The following WWP2 variants were observed in gnomAD, a reference collection of about 807,000 sequenced individuals.
WWP2 encodes WW domain containing E3 ubiquitin protein ligase 2, also known as NEDD4-like E3 ubiquitin-protein ligase WWP2.
In WWP2, 57 loss-of-function variants were observed where a neutral mutation model predicts 121.0. The observed-to-expected ratio is 0.47, with a 90% confidence interval of 0.38 to 0.59. WWP2 has a LOEUF of 0.59. Ranked by LOEUF, WWP2 falls within the 20% of genes least tolerant of loss-of-function variation. WWP2 has a pLI of 0.00. For synonymous variants in WWP2, 449 were observed against 441.3 expected, an observed-to-expected ratio of 1.02 and a Z score of -0.22; for missense variants, 962 against 1,158.9, an observed-to-expected ratio of 0.83 and a Z score of 2.47.
At chr16:69,848,559 C>T (rs2057131442) in intron 6 of WWP2, among the ~76,000 whole-genome samples, 1 of 149,128 alleles carries the variant, frequency 6.7e-6, no homozygotes, top group African/African-American at 2.5e-5. Context: ...ATTGCTTGAG[C>T]CCAGGAATTT....
chr16:69,822,205 G>T (rs149422868), intron 4 of WWP2, among the ~76,000 whole-genome samples: 1 of 152,040 alleles, frequency 6.6e-6, no homozygotes, highest in East Asian at 1.9e-4. Context: ...GAGTTTCTTC[G>T]TGTTGGGTCA....
At chr16:69,897,706 G>A (rs55634572) in intron 8 of WWP2, among the ~76,000 whole-genome samples, 172 of 152,114 alleles carry the variant, frequency 1.1e-3, no homozygotes, top group Non-Finnish European at 1.2e-3. Flanking sequence ...TCAGGAGTTC[G>A]AGACCAGCCT....
chr16:69,778,088 T>C (rs1012588396), intron 1 of WWP2, among the ~76,000 whole-genome samples: 3 of 140,810 alleles, frequency 2.1e-5, no homozygotes, highest in African/African-American at 5.1e-5. Context: ...TATATATATA[T>C]ATACACACAC....
At chr16:69,812,905 G>A (rs1235533354) in intron 4 of WWP2, among the ~76,000 whole-genome samples, 1 of 152,138 alleles carries the variant, frequency 6.6e-6, no homozygotes, top group Non-Finnish European at 1.5e-5. Flanking sequence ...AATTTACGGG[G>A]AGGTACTTTG....
At position 69,857,655 on chromosome 16, in the gene WWP2, CTTTTTTT is replaced by C. The variant is rs1166811815; in HGVS notation, c.576-14131_576-14125del. 1.5e-4 allele frequency among the ~76,000 whole-genome samples: 11 copies of C among 71,936 alleles called. 1 individual carries two copies. Among genetic ancestry groups the C allele is most frequent in the South Asian group, 8.7e-4 (2 of 2,292 alleles). The allele number at this position is 71,936 out of a possible 152,430, so 47.2% of individuals were successfully genotyped here. A position where few individuals can be genotyped will look rare whatever the true frequency, so the allele number is the denominator to read the frequency against. On this transcript the variant is annotated intron_variant, in intron 6 of 23. Coordinates refer to ENST00000359154, the MANE Select transcript of WWP2 (RefSeq NM_001270454.2). The stretch of plus-strand genomic sequence containing the variant: ...TTCAAATGGCCTTTGAAGGTCAACT[CTTTTTTT>C]TTTTTTTTTTTTTTTTTGAGACAGG...
At chr16:69,908,300 A>G (rs2058327354) in intron 8 of WWP2, among the ~76,000 whole-genome samples, 1 of 152,158 alleles carries the variant, frequency 6.6e-6, no homozygotes, top group Non-Finnish European at 1.5e-5. Context: ...GGGTAGACGA[A>G]AAAGCCTGGA....
At chr16:69,842,442 A>G (rs1286381612) in intron 6 of WWP2, among the ~76,000 whole-genome samples, 13 of 152,188 alleles carry the variant, frequency 8.5e-5, no homozygotes, top group Admixed American at 7.9e-4. Context: ...GATAGTGAAC[A>G]TAGTACCTGA....
intron 4 of WWP2, among the ~76,000 whole-genome samples, chr16:69,812,720 T>TCTTG (rs1223201320): frequency 1.3e-5 from 2 of 152,080 alleles, no homozygotes; most frequent in Non-Finnish European, 2.9e-5. Flanking sequence ...GAGTGTGCAT[T>TCTTG]CTTGGCAGGA....
At chr16:69,838,662 G>C in intron 4 of WWP2, 1 of 942,068 alleles carries the variant, frequency 1.1e-6, no homozygotes, top group African/African-American at 1.8e-5. Context: ...GTGGCTGGGG[G>C]TTGAAAGGCC....
chr16:69,879,733 A>C (rs2057792160), intron 7 of WWP2, among the ~76,000 whole-genome samples: 1 of 152,184 alleles, frequency 6.6e-6, no homozygotes, highest in Non-Finnish European at 1.5e-5. Context: ...TTGTATACCT[A>C]GGAGTGGAAT....
chr16:69,911,054 T>A (rs956961283), intron 9 of WWP2, among the ~76,000 whole-genome samples: 1 of 152,174 alleles, frequency 6.6e-6, no homozygotes, highest in African/African-American at 2.4e-5. Context: ...CATTTCTCAT[T>A]AATGGCAGAA....
intron 1 of WWP2, among the ~76,000 whole-genome samples, chr16:69,763,997 TTACAAAGAGCGTA>T (rs2038673878): frequency 6.6e-6 from 1 of 152,286 alleles, no homozygotes; most frequent in Admixed American, 6.5e-5. Flanking sequence ...ACTTTCCCAT[TTACAAAGAGCGTA>T]TACCAACATC....
chr16:69,908,190 A>T (rs1042491583), intron 8 of WWP2, among the ~76,000 whole-genome samples: 3 of 152,166 alleles, frequency 2.0e-5, no homozygotes, highest in African/African-American at 7.2e-5. Context: ...GGCTGCAGTG[A>T]GCTGAGATTG....
intron 1 of WWP2, among the ~76,000 whole-genome samples, chr16:69,786,671 A>G (rs569078090): frequency 6.6e-6 from 1 of 151,296 alleles, no homozygotes; most frequent in East Asian, 2.0e-4. Flanking sequence ...GGCTGGTCTC[A>G]AACTCCTGAC....
chr16:69,888,638 G>A (rs902434338), intron 8 of WWP2, among the ~76,000 whole-genome samples: 5 of 151,966 alleles, frequency 3.3e-5, no homozygotes, highest in Non-Finnish European at 7.4e-5. Context: ...GTTTTAGGCT[G>A]TGAATATTGC....
chr16:69,824,238 T>C (rs2151848761), intron 4 of WWP2, among the ~76,000 whole-genome samples: 1 of 152,328 alleles, frequency 6.6e-6, no homozygotes, highest in African/African-American at 2.4e-5. Context: ...AGTGTTTAAT[T>C]TTCCCTCTTC....
intron 4 of WWP2, among the ~76,000 whole-genome samples, chr16:69,823,147 A>C (rs1008979409): frequency 6.6e-6 from 1 of 152,226 alleles, no homozygotes; most frequent in African/African-American, 2.4e-5. Flanking sequence ...GAAAAAAGTA[A>C]AAACAAAAAC....
At chr16:69,849,272 A>G (rs1033318096) in intron 6 of WWP2, among the ~76,000 whole-genome samples, 1 of 152,212 alleles carries the variant, frequency 6.6e-6, no homozygotes, top group African/African-American at 2.4e-5. Context: ...GCACTAGGCC[A>G]TTCTCACAGT....
intron 6 of WWP2, among the ~76,000 whole-genome samples, chr16:69,864,724 A>AT (rs1255768791): frequency 0.034 from 4,619 of 137,708 alleles, 81 homozygotes; most frequent in Middle Eastern, 0.047. Context: ...GAATTTTTGC[A>AT]TTTTTTTTTT....
Sources: allele counts gnomAD v4.1 joint callset (sites outside exome capture counted in the v4.1 genomes callset), GRCh38; gene constraint gnomAD v4.1.1; transcripts MANE v1.5; gene names NCBI Gene and HGNC (gene_info 2026-07-23, HGNC 2026-07-21).